The following RAB33A variants were observed in gnomAD, a reference collection of about 807,000 sequenced individuals.
The protein encoded by RAB33A is RAB33A, member RAS oncogene family, also known as ras-related protein Rab-33A.
A neutral mutation model predicts 12.0 loss-of-function variants in RAB33A; 6 were observed. The observed-to-expected ratio is 0.50, with a 90% CI of 0.27 to 0.99. RAB33A has a LOEUF of 0.99. Among genes scored for constraint, RAB33A ranks in the 50% least tolerant of loss-of-function variants. The pLI is 0.11. For missense variants in RAB33A, 109 were observed against 192.0 expected, an observed-to-expected ratio of 0.57 and a Z score of 2.55; for synonymous variants, 70 against 82.4, an observed-to-expected ratio of 0.85 and a Z score of 0.81.
At chrX:130,155,793 G>A in the RAB33A span, among the ~76,000 whole-genome samples, 4 of 111,682 alleles carry the variant, frequency 3.6e-5, no homozygotes, top group African/African-American at 1.3e-4. Context: ...AGTAAACCCT[G>A]CCAAGTTAGG....
the RAB33A span, chrX:130,139,800 T>G: frequency 5.0e-6 from 6 of 1,207,903 alleles, no homozygotes; most frequent in Non-Finnish European, 2.2e-6. Flanking sequence ...ATTACCTTTC[T>G]GAAAAGCGTT....
chrX:130,135,134 G>A, the RAB33A span, among the ~76,000 whole-genome samples: 1 of 107,021 alleles, frequency 9.3e-6, no homozygotes, highest in African/African-American at 3.4e-5. Flanking sequence ...CCAGGCTGGA[G>A]GGCAGTGGCA....
At chrX:130,129,247 C>CATGAAT in the RAB33A span, 1 of 328,224 alleles carries the variant, frequency 3.0e-6, no homozygotes, top group Non-Finnish European at 5.5e-6. Flanking sequence ...TGGAGTAGGG[C>CATGAAT]ATGAATACAT....
the RAB33A span, chrX:130,133,345 A>G: frequency 5.1e-4 from 617 of 1,209,289 alleles, 1 homozygote; most frequent in African/African-American, 8.5e-3. Context: ...ACGGCTTAGC[A>G]GCTCCAGTCA....
At chrX:130,137,345 C>T in the RAB33A span, 18 of 1,157,787 alleles carry the variant, frequency 1.6e-5, no homozygotes, top group East Asian at 1.3e-4. Context: ...ATGAGGGCCT[C>T]GGTGCTCAAG....
the RAB33A span, among the ~76,000 whole-genome samples, chrX:130,132,307 AAAAAG>A: frequency 8.9e-6 from 1 of 112,433 alleles, no homozygotes; most frequent in African/African-American, 3.2e-5. Flanking sequence ...ACTTTTCCTT[AAAAAG>A]CCATTATACA....
At chrX:130,151,953 C>T in the RAB33A span, among the ~76,000 whole-genome samples, 3 of 110,004 alleles carry the variant, frequency 2.7e-5, no homozygotes, top group Middle Eastern at 0.014. Flanking sequence ...ACACGAGAAC[C>T]ACCTGAACCC....
At chrX:130,124,882 T>A in the RAB33A span, among the ~76,000 whole-genome samples, 1 of 111,958 alleles carries the variant, frequency 8.9e-6, no homozygotes, top group African/African-American at 3.2e-5. Flanking sequence ...CAACTCAATC[T>A]TATCCAAGAG....
the RAB33A span, among the ~76,000 whole-genome samples, chrX:130,149,794 A>G: frequency 8.9e-6 from 1 of 112,275 alleles, no homozygotes; most frequent in African/African-American, 3.2e-5. Flanking sequence ...TTCCAGTTTC[A>G]GATTTTTAGG....
the RAB33A span, chrX:130,133,489 T>TTA: frequency 2.0e-6 from 2 of 980,673 alleles, no homozygotes; most frequent in Non-Finnish European, 2.8e-6. Flanking sequence ...GAACACATGA[T>TTA]AAAAAAAAAA....
At chrX:130,155,219 A>G in the RAB33A span, 1 of 1,211,107 alleles carries the variant, frequency 8.3e-7, no homozygotes. Flanking sequence ...GGTTGCTGCC[A>G]TCTTTCCCAG....
chrX:130,142,637 G>C, the RAB33A span, among the ~76,000 whole-genome samples: 1 of 110,890 alleles, frequency 9.0e-6, no homozygotes, highest in Admixed American at 9.6e-5. Flanking sequence ...CTTCCCAATG[G>C]TATCTGTTTT....
Position 130,184,050 on chromosome X carries a change from C to T in RAB33A, c.259-235C>T, listed in dbSNP as rs374126664. Among the ~76,000 whole-genome samples, 8 of 111,702 alleles carry T rather than the reference C, an allele frequency of 7.2e-5. 1 individual carries two copies. Among genetic ancestry groups the T allele is most frequent in the East Asian group, 2.8e-4 (1 of 3,556 alleles). On this transcript the variant is annotated intron_variant, in intron 1 of 1. Transcript: ENST00000257017. ...GATTACAGGCATGCACCACCATGCC[C>T]GGCTAATTTTGTATTTTTAGTAGAG...
chrX:130,137,661 A>G, the RAB33A span: 17 of 1,103,257 alleles, frequency 1.5e-5, no homozygotes, highest in African/African-American at 2.8e-4. Context: ...AAAGACACCC[A>G]TAATTCTGTA....
the RAB33A span, among the ~76,000 whole-genome samples, chrX:130,139,497 T>C: frequency 8.9e-6 from 1 of 111,902 alleles, no homozygotes; most frequent in Non-Finnish European, 1.9e-5. Flanking sequence ...GCCAAGAGGC[T>C]GTAAGGGGTT....
the RAB33A span, among the ~76,000 whole-genome samples, chrX:130,152,973 T>C: frequency 9.0e-6 from 1 of 110,713 alleles, no homozygotes; most frequent in African/African-American, 3.3e-5. Context: ...TATGTATTTG[T>C]AGTCATAAAA....
chrX:130,120,220 TTTTTTTG>T, the RAB33A span, among the ~76,000 whole-genome samples: 1 of 110,375 alleles, frequency 9.1e-6, no homozygotes, highest in African/African-American at 3.4e-5. Flanking sequence ...TTTTGTTTTG[TTTTTTTG>T]TTTTTTGTTT....
chrX:130,116,496 G>A, the RAB33A span, among the ~76,000 whole-genome samples: 1 of 111,293 alleles, frequency 9.0e-6, no homozygotes, highest in African/African-American at 3.3e-5. Flanking sequence ...GTTTTACTGT[G>A]TTGGCCAGGC....
At chrX:130,126,219 A>C in the RAB33A span, among the ~76,000 whole-genome samples, 1 of 112,303 alleles carries the variant, frequency 8.9e-6, no homozygotes, top group Non-Finnish European at 1.9e-5. Flanking sequence ...CCTAGAGGCC[A>C]GTGGCTCATG....
Sources: gnomAD v4.1 joint callset for allele counts (sites outside exome capture counted in the v4.1 genomes callset) on GRCh38, gnomAD v4.1.1 for gene constraint, MANE v1.5 for transcripts, NCBI Gene and HGNC (gene_info 2026-07-23, HGNC 2026-07-21) for gene names.